Variants in TRIM29 observed in about 807,000 individuals in gnomAD.
TRIM29 encodes the protein tripartite motif-containing protein 29.
Under a neutral mutation model 57.3 loss-of-function variants are expected in TRIM29, and 52 were observed. The observed-to-expected ratio is 0.91, with a 90% CI of 0.73 to 1.14. TRIM29 has a LOEUF of 1.14. Among genes scored for constraint, TRIM29 ranks in the 50% most tolerant of loss-of-function variants. The pLI is 0.00. For synonymous variants in TRIM29, 319 were observed against 316.9 expected, an observed-to-expected ratio of 1.01 and a Z score of -0.07; for missense variants, 753 against 774.6, an observed-to-expected ratio of 0.97 and a Z score of 0.33.
chr11:120,122,810 G>T (rs1442797110), intron 5 of TRIM29, 144 bp downstream of exon 5: 1 of 656,914 alleles, frequency 1.5e-6, no homozygotes. Flanking sequence ...AGGACAACAC[G>T]TAGATGCCAG....
At chr11:120,121,115 C>T (rs1016758584) in intron 5 of TRIM29, among the ~76,000 whole-genome samples, 14 of 152,262 alleles carry the variant, frequency 9.2e-5, no homozygotes, top group Admixed American at 4.6e-4. Flanking sequence ...ATACCACCAC[C>T]GATACCCAGC....
chr11:120,114,582 C>G (rs1259339800), intron 8 of TRIM29, among the ~76,000 whole-genome samples: 1 of 152,214 alleles, frequency 6.6e-6, no homozygotes, highest in Non-Finnish European at 1.5e-5. Context: ...CTAGAATGGA[C>G]CTTCAGGAGC....
chr11:120,117,586 G>C (rs1285257159), intron 7 of TRIM29: 1 of 155,182 alleles, frequency 6.4e-6, no homozygotes, highest in Non-Finnish European at 1.4e-5. Flanking sequence ...GATCTTTCAG[G>C]AGATACATGA....
intron 1 of TRIM29, among the ~76,000 whole-genome samples, chr11:120,130,271 T>G (rs1863692543): frequency 6.6e-6 from 1 of 151,914 alleles, no homozygotes; most frequent in Admixed American, 6.6e-5. Context: ...AACTCCTGAG[T>G]GAAGTCCAAG....
In TRIM29 at chr11:120,125,817, C is replaced by A. The variant is rs1353168212; in HGVS notation, c.1207G>T (p.Glu403Ter). Residue 403 changes from glutamate (E) to a stop codon, truncating the protein, a stop_gained, in exon 4 of 9, where the codon GAG becomes TAG. Transcript: ENST00000341846. LOFTEE classifies it high-confidence loss of function. The stretch of plus-strand genomic sequence containing the variant: ...TTGCCTAGTGACTGTCCCAGGCCCT[C>A]CCCCTCCAGCAGGACATGATAGGTG... ...LPTYHVLLEGEGLGQSLGNFK... is the reference protein window; with the variant it reads ...LPTYHVLLEG 8 of 1,614,058 alleles carry A rather than the reference C, an allele frequency of 5.0e-6. No homozygotes were observed. Among genetic ancestry groups the A allele is most frequent in the Non-Finnish European group, 5.9e-6 (7 of 1,180,046 alleles).
At chr11:120,136,200 G>T (rs935871067) in intron 1 of TRIM29, among the ~76,000 whole-genome samples, 14 of 152,146 alleles carry the variant, frequency 9.2e-5, no homozygotes, top group African/African-American at 3.1e-4. Flanking sequence ...TTGTGATGGG[G>T]TTATTTACCA....
Position 120,137,820 on chromosome 11 carries a change from G to A in TRIM29, c.212C>T (p.Ala71Val), listed in dbSNP as rs1419641770. The A allele has an allele frequency of 1.2e-6, 2 of 1,612,466 alleles. No individual in the cohort carries two copies. The highest frequency in any genetic ancestry group is 1.7e-5 in the Admixed American group (1 of 60,028). The change falls in exon 1 of 9, where the codon GCG becomes GTG. Residue 71 changes from alanine to valine, a missense_variant. Ala to Val is a moderately conservative substitution (Grantham distance 64). Transcript: ENST00000341846. The surrounding 1 kb of genome is among the most constrained non-coding windows in gnomAD (Gnocchi z 6.2). ...GATGGGTCGCCGCCACTCATTGCCC[G>A]CGAACAGGGCGCTCCTACCTTCCCC... ...KPGEGRSALF[A>V]GNEWRRPIIQ...
intron 4 of TRIM29, chr11:120,125,306 C>T (rs1863557501): frequency 3.9e-6 from 1 of 256,832 alleles, no homozygotes; most frequent in African/African-American, 2.2e-5. Context: ...GTCTGCAAAG[C>T]CACCAGTTTG....
chr11:120,113,431 G>A (rs1863187908), intron 8 of TRIM29: 2 of 313,708 alleles, frequency 6.4e-6, no homozygotes, highest in African/African-American at 4.3e-5. Flanking sequence ...AGCCCCCGGG[G>A]GTCTCAGGAA....
chr11:120,125,971 GC>G, intron 3 of TRIM29, 82 bp from the exon 4 acceptor site: 1 of 1,388,920 alleles, frequency 7.2e-7, no homozygotes, highest in Non-Finnish European at 9.9e-7. Context: ...CTCTCACAGT[GC>G]AGCTGGGGGT....
intron 5 of TRIM29, chr11:120,122,137 T>TGA (rs1191692952): frequency 1.2e-5 from 3 of 256,974 alleles, no homozygotes; most frequent in African/African-American, 8.1e-5. Flanking sequence ...TGTGAGTGTG[T>TGA]GTGTGTGTGT....
At chr11:120,134,985 G>A (rs931018680) in intron 1 of TRIM29, among the ~76,000 whole-genome samples, 8 of 152,324 alleles carry the variant, frequency 5.3e-5, no homozygotes, top group Middle Eastern at 3.4e-3. Context: ...CTGTTTGTGT[G>A]TATGAGCCCT....
intron 3 of TRIM29, chr11:120,126,209 A>G (rs1412703639): frequency 4.0e-6 from 1 of 247,936 alleles, no homozygotes; most frequent in Non-Finnish European, 7.7e-6. Flanking sequence ...AAGAAATGCA[A>G]GGAATTACTA....
rs182700919 is a variant in TRIM29, at chr11:120,123,312, C to G, written c.1334-257G>C. ...GCCCTTGTAAATACGATTGTGTGCA[C>G]AACACTTCCTAGCACTTCACCTTTA... is the stretch of plus-strand genomic sequence containing the variant. On this transcript the variant is annotated intron_variant, in intron 4 of 8. Coordinates refer to ENST00000341846, the MANE Select transcript of TRIM29 (RefSeq NM_012101.4). 4.4e-4 allele frequency: 292 copies of G among 657,850 alleles called. No individual in the cohort carries two copies. The African/African-American group carries it at 4.4e-3, about 10-fold the overall frequency. The allele number at this position is 657,850 out of a possible 1,614,324, so 40.8% of individuals were successfully genotyped here.
At chr11:120,118,373 G>A (rs534978873) in intron 6 of TRIM29, 52 bp from the exon 7 acceptor site, 10 of 1,448,016 alleles carry the variant, frequency 6.9e-6, no homozygotes, top group Non-Finnish European at 2.9e-6. Context: ...AGTGGGAGAG[G>A]AGGCAGGACC....
chr11:120,114,877 T>G (rs1385283492), intron 8 of TRIM29, among the ~76,000 whole-genome samples: 1 of 152,212 alleles, frequency 6.6e-6, no homozygotes, highest in East Asian at 1.9e-4. Context: ...TATTCCCGAC[T>G]TTCCAGTCTC....
At chr11:120,135,663 C>G (rs551727892) in intron 1 of TRIM29, among the ~76,000 whole-genome samples, 1 of 152,276 alleles carries the variant, frequency 6.6e-6, no homozygotes, top group Admixed American at 6.5e-5. Flanking sequence ...ACATCTTCTT[C>G]CTGGGCCAAA....
intron 1 of TRIM29, among the ~76,000 whole-genome samples, chr11:120,133,245 G>A (rs1028502262): frequency 2.0e-5 from 3 of 152,322 alleles, no homozygotes; most frequent in South Asian, 2.1e-4. Context: ...CACTGGACTC[G>A]GTGATCTCAA....
At chr11:120,129,437 C>T (rs1339665378) in intron 1 of TRIM29, among the ~76,000 whole-genome samples, 1 of 152,196 alleles carries the variant, frequency 6.6e-6, no homozygotes, top group Non-Finnish European at 1.5e-5. Context: ...AACAAAGCAT[C>T]CAAGAGAGCC....
Sources: gnomAD v4.1 joint callset for allele counts (sites outside exome capture counted in the v4.1 genomes callset) on GRCh38, gnomAD v4.1.1 for gene constraint, Gnocchi (gnomAD v3.1) non-coding constraint, MANE v1.5 for transcripts, NCBI Gene and HGNC (gene_info 2026-07-23, HGNC 2026-07-21) for gene names.